Variants in RARB observed in about 807,000 individuals in gnomAD.
The protein encoded by RARB is HBV-activated protein.
Under a neutral mutation model 51.9 loss-of-function variants are expected in RARB, and 17 were observed. That is an observed-to-expected ratio of 0.33 (90% confidence interval 0.22 to 0.49). RARB has a LOEUF of 0.49. RARB is among the 20% of genes least tolerant of loss of function. The pLI is 0.99. For missense variants in RARB, 369 were observed against 550.8 expected (o/e 0.67, Z 3.30); for synonymous variants, 215 against 195.4 (o/e 1.10, Z -0.84).
At chr3:25,214,476 A>G (rs1480047535) in intron 5 of RARB, among the ~76,000 whole-genome samples, 2 of 152,228 alleles carry the variant, frequency 1.3e-5, no homozygotes, top group African/African-American at 4.8e-5. Context: ...ATTTAAAATA[A>G]CATATCAGTA....
At chr3:25,430,261 C>T (rs895957707) in intron 1 of RARB, among the ~76,000 whole-genome samples, 24 of 152,146 alleles carry the variant, frequency 1.6e-4, no homozygotes, top group Non-Finnish European at 2.6e-4. Context: ...TTTTTTGGTG[C>T]CCATTTTATT....
At chr3:25,301,622 C>T (rs1575295590) in intron 5 of RARB, among the ~76,000 whole-genome samples, 1 of 152,008 alleles carries the variant, frequency 6.6e-6, no homozygotes, top group East Asian at 1.9e-4. Context: ...TTCCATCTAC[C>T]ATCTTAAACT....
intron 5 of RARB, among the ~76,000 whole-genome samples, chr3:25,188,881 G>C (rs937167623): frequency 6.6e-6 from 1 of 152,068 alleles, no homozygotes; most frequent in Non-Finnish European, 1.5e-5. Context: ...TTGTAAATGA[G>C]GACATTTGGG....
At chr3:25,444,265 A>G (rs12631063) in intron 1 of RARB, among the ~76,000 whole-genome samples, 10,774 of 152,244 alleles carry the variant, frequency 0.071, 480 homozygotes, top group Middle Eastern at 0.12. Context: ...TTCCCAACTC[A>G]GCTTTGTATA....
chr3:24,938,950 G>A (rs1260299123), intron 2 of RARB, among the ~76,000 whole-genome samples: 1 of 150,322 alleles, frequency 6.7e-6, no homozygotes, highest in Non-Finnish European at 1.5e-5. Context: ...ATCACATTTT[G>A]TTCATTTGAC....
At chr3:25,332,977 A>T (rs1235048677) in intron 5 of RARB, among the ~76,000 whole-genome samples, 2 of 152,206 alleles carry the variant, frequency 1.3e-5, no homozygotes, top group Non-Finnish European at 2.9e-5. Context: ...AAGGGATGTG[A>T]AGGACCTATT....
intron 2 of RARB, among the ~76,000 whole-genome samples, chr3:25,467,884 A>T (rs535783386): frequency 5.8e-4 from 88 of 152,348 alleles, no homozygotes; most frequent in Non-Finnish European, 1.1e-3. Flanking sequence ...AAAGTTCCTC[A>T]TGGAATTTAG....
In RARB at chr3:25,259,901, A is replaced by G. The variant is rs920219856; in HGVS notation, c.178+85326A>G. ...GCTTCTTTCCTGGACAAGATTAGGG[A>G]AGGTTTTCTTTCTCAGGCTTTGTCT... On this transcript the variant is annotated intron_variant, in intron 5 of 11. Transcript: ENST00000383772. The G allele has an allele frequency of 6.1e-6, 6 of 985,002 alleles. No homozygotes were observed. In the African/African-American group the frequency reaches 8.7e-5, roughly 14 times the overall value. The allele number at this position is 985,002 out of a possible 1,614,324, so 61.0% of individuals were successfully genotyped here.
At chr3:25,146,507 G>GTTTTTTTTTTTTTT (rs1209595229) in intron 4 of RARB, among the ~76,000 whole-genome samples, 2 of 133,394 alleles carry the variant, frequency 1.5e-5, no homozygotes, top group Non-Finnish European at 3.2e-5. Flanking sequence ...TTGTTTGTTT[G>GTTTTTTTTTTTTTT]TTTGTTTTTT....
At chr3:25,249,270 G>T (rs1702645043) in intron 5 of RARB, among the ~76,000 whole-genome samples, 2 of 151,930 alleles carry the variant, frequency 1.3e-5, no homozygotes, top group Admixed American at 1.3e-4. Context: ...TTTGGTTTCA[G>T]AATTTGTTTG....
At chr3:25,288,930 T>C (rs1450879035) in intron 5 of RARB, among the ~76,000 whole-genome samples, 6 of 152,200 alleles carry the variant, frequency 3.9e-5, no homozygotes, top group African/African-American at 1.4e-4. Flanking sequence ...AGACCTCTAC[T>C]ATTTCCCAGC....
At chr3:25,529,674 A>G (rs1007166092) in intron 3 of RARB, among the ~76,000 whole-genome samples, 6 of 152,152 alleles carry the variant, frequency 3.9e-5, no homozygotes, top group African/African-American at 1.4e-4. Flanking sequence ...GAACTATTCC[A>G]TATCTTGATC....
intron 5 of RARB, chr3:25,345,999 T>C (rs988421160): frequency 1.9e-6 from 1 of 528,772 alleles, no homozygotes; most frequent in Non-Finnish European, 2.4e-6. Context: ...TGAGTAGTTC[T>C]TCTGACCCGG....
chr3:25,492,266 G>A (rs1209658411), intron 2 of RARB, among the ~76,000 whole-genome samples: 2 of 152,084 alleles, frequency 1.3e-5, no homozygotes, highest in Non-Finnish European at 2.9e-5. Flanking sequence ...GTCATGTTTT[G>A]GAAATAGAAA....
chr3:25,251,971 T>C (rs1702732854), intron 5 of RARB, among the ~76,000 whole-genome samples: 1 of 152,168 alleles, frequency 6.6e-6, no homozygotes, highest in African/African-American at 2.4e-5. Context: ...TGTTTTTTTC[T>C]AACAGTTTTC....
chr3:25,187,706 C>T (rs1701010196), intron 5 of RARB, among the ~76,000 whole-genome samples: 1 of 151,978 alleles, frequency 6.6e-6, no homozygotes, highest in Non-Finnish European at 1.5e-5. Flanking sequence ...TGATGGTGTT[C>T]AGGCTACAGA....
upstream of RARB, among the ~76,000 whole-genome samples, chr3:25,427,587 A>G (rs1405276266): frequency 6.6e-6 from 1 of 152,182 alleles, no homozygotes; most frequent in Non-Finnish European, 1.5e-5. Context: ...TGACTACTCT[A>G]TATGCTGCAT....
At chr3:25,473,405 G>T (rs116139797) in intron 2 of RARB, among the ~76,000 whole-genome samples, 1,696 of 152,166 alleles carry the variant, frequency 0.011, 32 homozygotes, top group African/African-American at 0.038. Context: ...GTTCTGGCAG[G>T]CCGGCCCCAT....
chr3:25,243,640 T>C (rs1283897906), intron 5 of RARB, among the ~76,000 whole-genome samples: 1 of 152,186 alleles, frequency 6.6e-6, no homozygotes, highest in Non-Finnish European at 1.5e-5. Context: ...GAAACAGCCT[T>C]GCATCCCATG....
Sources: gnomAD v4.1 joint callset for allele counts (sites outside exome capture counted in the v4.1 genomes callset) on GRCh38, gnomAD v4.1.1 for gene constraint, MANE v1.5 for transcripts, NCBI Gene and HGNC (gene_info 2026-07-23, HGNC 2026-07-21) for gene names.